Variants in ANKRD17 observed in about 807,000 individuals in gnomAD.
ANKRD17 encodes the protein ankyrin repeat domain 17, also known as ankyrin repeat domain-containing protein 17.
In ANKRD17, 19 loss-of-function variants were observed where a neutral mutation model predicts 229.7. The ratio of observed to expected loss-of-function variants is 0.08; its 90% CI spans 0.06 to 0.12. The LOEUF (loss-of-function observed/expected upper bound fraction) is 0.12, where lower values mean the gene tolerates loss of function less well. ANKRD17 is among the 10% of genes least tolerant of loss of function. The probability of loss-of-function intolerance (pLI) is 1.00; values close to 1 mark genes in which losing one functional copy is unlikely to be tolerated. For missense variants in ANKRD17, 2,176 were observed against 3,176.8 expected, an observed-to-expected ratio of 0.68 and a Z score of 7.57; for synonymous variants, 1,112 against 1,146.1, an observed-to-expected ratio of 0.97 and a Z score of 0.60.
intron 21 of ANKRD17, 128 bp from the exon 22 acceptor site, chr4:73,118,978 CA>C: frequency 1.0e-6 from 1 of 956,398 alleles, no homozygotes; most frequent in Non-Finnish European, 1.5e-6. Context: ...CCTCCACCTC[CA>C]GGGGTCATAT....
intron 29 of ANKRD17, among the ~76,000 whole-genome samples, chr4:73,086,950 A>ATATCTATC (rs1197096709): frequency 1.1e-5 from 1 of 94,200 alleles, no homozygotes; most frequent in African/African-American, 4.2e-5. Flanking sequence ...ATATATATAT[A>ATATCTATC]TATCTGTAGG....
chr4:73,135,296 G>A, intron 15 of ANKRD17, 31 bp from the exon 16 acceptor site: 1 of 1,588,006 alleles, frequency 6.3e-7, no homozygotes, highest in East Asian at 2.3e-5. Flanking sequence ...ACTTAATAAG[G>A]ATGAAACATT....
intron 2 of ANKRD17, among the ~76,000 whole-genome samples, chr4:73,164,111 C>T (rs565824286): frequency 2.0e-5 from 3 of 152,174 alleles, no homozygotes; most frequent in Admixed American, 6.5e-5. Flanking sequence ...GATCATCTTT[C>T]GGTTAAATAT....
Position 73,139,517 on chromosome 4 carries a change from CA to C in ANKRD17, c.3085+13del. 4 of 1,598,166 alleles carry C rather than the reference CA, an allele frequency of 2.5e-6. No individual in the cohort carries two copies. The highest frequency in any genetic ancestry group is 3.4e-6 in the Non-Finnish European group (4 of 1,171,614). On this transcript the variant is annotated intron_variant, in intron 15 of 33. Coordinates refer to ENST00000358602, the MANE Select transcript of ANKRD17 (RefSeq NM_032217.5). ...AATCATATTTGATACCTGCTCATAA[CA>C]ATATAAACCCACCTGCCATGATGTC...
At position 73,140,245 on chromosome 4, in the gene ANKRD17, T is replaced by C; in HGVS notation, c.2371A>G (p.Asn791Asp). 1 of 1,602,946 alleles carries C rather than the reference T, an allele frequency of 6.2e-7. No homozygotes were observed. The highest frequency in any genetic ancestry group is 2.2e-5 in the East Asian group (1 of 44,836). ...ATGTAACCCTGTACATCCTGGCTGT[T>C]TGCTGGCAAATGGCTGCTGGACTTT... Reference protein sequence around the residue: ...KQKSSSHLPANSQDVQGYITN... With the variant: ...KQKSSSHLPADSQDVQGYITN... Residue 791 changes from asparagine to aspartate, a missense_variant, in exon 15 of 34, where the codon AAC becomes GAC. Asn to Asp is a conservative substitution (Grantham distance 23). Coordinates refer to ENST00000358602, the MANE Select transcript of ANKRD17 (RefSeq NM_032217.5).
At chr4:73,238,606 C>G (rs1743730652) in intron 1 of ANKRD17, among the ~76,000 whole-genome samples, 1 of 151,970 alleles carries the variant, frequency 6.6e-6, no homozygotes, top group African/African-American at 2.4e-5. Flanking sequence ...CTCCTTACTC[C>G]ATCATTTCTC....
intron 3 of ANKRD17, 66 bp from the exon 4 acceptor site, chr4:73,156,232 T>A: frequency 6.7e-7 from 1 of 1,489,340 alleles, no homozygotes; most frequent in Non-Finnish European, 8.9e-7. Flanking sequence ...AGCATAAATA[T>A]TGTTTTTGAT....
chr4:73,085,487 C>T (rs747040618), intron 29 of ANKRD17, 41 bp from the exon 30 acceptor site: 1 of 1,526,646 alleles, frequency 6.6e-7, no homozygotes, highest in South Asian at 1.1e-5. Flanking sequence ...ATAGTTACTC[C>T]TGCAAGAAAT....
intron 29 of ANKRD17, among the ~76,000 whole-genome samples, chr4:73,089,760 T>C (rs1408618244): frequency 6.6e-6 from 1 of 152,214 alleles, no homozygotes; most frequent in Non-Finnish European, 1.5e-5. Flanking sequence ...TTGTATCTTC[T>C]ACATATATCA....
intron 1 of ANKRD17, among the ~76,000 whole-genome samples, chr4:73,220,116 T>C (rs926000126): frequency 6.6e-6 from 1 of 152,156 alleles, no homozygotes; most frequent in Non-Finnish European, 1.5e-5. Context: ...TTCCTCTTAT[T>C]GATCATTCTA....
chr4:73,074,067 C>T lies in ANKRD17; in HGVS notation c.*2164G>A, dbSNP rs1720864648. 6.6e-6 allele frequency: 1 copy of T among 151,928 alleles called. No homozygotes were observed. Among genetic ancestry groups the T allele is most frequent in the African/African-American group, 2.4e-5 (1 of 41,404 alleles). The allele number at this position is 151,928 out of a possible 1,614,324, so 9.4% of individuals were successfully genotyped here. A position where few individuals can be genotyped will look rare whatever the true frequency, so the allele number is the denominator to read the frequency against. ...ATTTTAAAAATGTTCCTAGTACAGA[C>T]TTCTAAAACCATGGTATTGTACTAA... On this transcript the variant is annotated 3_prime_UTR_variant, in exon 34 of 34. Transcript: ENST00000358602.
At chr4:73,146,505 T>C (rs1367018015) in intron 10 of ANKRD17, among the ~76,000 whole-genome samples, 1 of 152,074 alleles carries the variant, frequency 6.6e-6, no homozygotes, top group Non-Finnish European at 1.5e-5. Context: ...GGAAAACCAG[T>C]CTGCATTAAT....
chr4:73,151,771 C>G (rs186412631), intron 6 of ANKRD17, among the ~76,000 whole-genome samples: 1 of 152,082 alleles, frequency 6.6e-6, no homozygotes, highest in African/African-American at 2.4e-5. Flanking sequence ...AACAAAGATG[C>G]CATTAAAATC....
chr4:73,096,943 C>T (rs543282505), intron 27 of ANKRD17, among the ~76,000 whole-genome samples, 174 bp downstream of exon 27: 83 of 152,232 alleles, frequency 5.5e-4, no homozygotes, highest in African/African-American at 1.8e-3. Flanking sequence ...CAAATTAACA[C>T]GTAATTTTTT....
At chr4:73,095,401 G>A (rs1177529320) in intron 27 of ANKRD17, among the ~76,000 whole-genome samples, 1 of 151,742 alleles carries the variant, frequency 6.6e-6, no homozygotes, top group Non-Finnish European at 1.5e-5. Flanking sequence ...AGGAGTTCAA[G>A]ACCAGCCTGG....
intron 29 of ANKRD17, among the ~76,000 whole-genome samples, chr4:73,089,843 A>C (rs531788780): frequency 6.6e-6 from 1 of 152,322 alleles, no homozygotes; most frequent in South Asian, 2.1e-4. Context: ...GCTACCAGCC[A>C]CAAGTGTTTT....
intron 7 of ANKRD17, among the ~76,000 whole-genome samples, chr4:73,149,384 T>C (rs1730698912): frequency 6.6e-6 from 1 of 152,180 alleles, no homozygotes. Context: ...ACTTAAATGT[T>C]AAAAGGATAA....
intron 2 of ANKRD17, chr4:73,168,967 T>C (rs1175926243): frequency 6.6e-6 from 1 of 152,146 alleles, no homozygotes; most frequent in Non-Finnish European, 1.5e-5. Context: ...TGCCTATTGT[T>C]CCCTTCTTAG....
At chr4:73,249,711 G>C (rs970058294) in intron 1 of ANKRD17, among the ~76,000 whole-genome samples, 8 of 152,120 alleles carry the variant, frequency 5.3e-5, no homozygotes, top group Non-Finnish European at 8.8e-5. Flanking sequence ...AAAATTAGCC[G>C]GGCGTGGTGG....
Sources: allele counts gnomAD v4.1 joint callset (sites outside exome capture counted in the v4.1 genomes callset), GRCh38; gene constraint gnomAD v4.1.1; transcripts MANE v1.5; gene names NCBI Gene and HGNC (gene_info 2026-07-23, HGNC 2026-07-21).